The following GTF2IRD1 variants were observed in gnomAD, a reference collection of about 807,000 sequenced individuals.
GTF2IRD1 encodes GTF2I repeat domain containing 1, also known as general transcription factor II-I repeat domain-containing protein 1.
In GTF2IRD1, 26 loss-of-function variants were observed where a neutral mutation model predicts 113.2. The observed-to-expected ratio is 0.23, with a 90% CI of 0.17 to 0.32. The LOEUF (loss-of-function observed/expected upper bound fraction) is 0.32. Ranked by LOEUF, GTF2IRD1 falls within the 10% of genes least tolerant of loss-of-function variation. The probability of loss-of-function intolerance (pLI) is 1.00; values close to 1 mark genes in which losing one functional copy is unlikely to be tolerated. For synonymous variants in GTF2IRD1, 484 were observed against 529.1 expected (o/e 0.91, Z 1.17); for missense variants, 864 against 1,280.8 (o/e 0.67, Z 4.97).
chr7:74,584,636 C>T (rs587742704), intron 22 of GTF2IRD1, among the ~76,000 whole-genome samples: 2 of 152,278 alleles, frequency 1.3e-5, no homozygotes, highest in East Asian at 3.9e-4. Flanking sequence ...TGTGAATTTA[C>T]ATGGCCAGGG....
At chr7:74,568,430 C>G (rs1800468031) in intron 22 of GTF2IRD1, among the ~76,000 whole-genome samples, 1 of 151,394 alleles carries the variant, frequency 6.6e-6, no homozygotes, top group Admixed American at 6.6e-5. Flanking sequence ...GGGCAGATCA[C>G]AAGGTCAGGA....
Position 74,555,557 on chromosome 7 carries a change from T to C in GTF2IRD1, c.2023+63T>C. Reference sequence around the variant, plus strand: ...ACCAGGACATTGACCTGGTTTGGGTTTGGAGGGCCAGGCTGGAAGTGGGGA... The same window carrying C: ...ACCAGGACATTGACCTGGTTTGGGTCTGGAGGGCCAGGCTGGAAGTGGGGA... On this transcript the variant is annotated intron_variant, in intron 19 of 26. Coordinates refer to ENST00000424337, the MANE Select transcript of GTF2IRD1 (RefSeq NM_005685.4). The surrounding 1 kb of genome is among the most constrained non-coding windows in gnomAD (Gnocchi z 5.3). 1 of 1,094,278 alleles carries C rather than the reference T, an allele frequency of 9.1e-7. No individual in the cohort carries two copies. Among genetic ancestry groups the C allele is most frequent in the Non-Finnish European group, 1.4e-6 (1 of 713,914 alleles). The allele number at this position is 1,094,278 out of a possible 1,614,324, so 67.8% of individuals were successfully genotyped here. A position where few individuals can be genotyped will look rare whatever the true frequency, so the allele number is the denominator to read the frequency against.
chr7:74,491,477 C>T (rs1554336687), intron 1 of GTF2IRD1, among the ~76,000 whole-genome samples: 1 of 149,146 alleles, frequency 6.7e-6, no homozygotes, highest in Non-Finnish European at 1.5e-5. Context: ...CTCCCTCCTC[C>T]CACCCTCCAC....
chr7:74,537,426 A>C (rs1798363449), intron 11 of GTF2IRD1, among the ~76,000 whole-genome samples: 1 of 151,596 alleles, frequency 6.6e-6, no homozygotes, highest in Non-Finnish European at 1.5e-5. Flanking sequence ...AAAAAAAAAC[A>C]AAAAAAACAT....
intron 14 of GTF2IRD1, 124 bp from the exon 15 acceptor site, chr7:74,544,629 TGG>T: frequency 1.3e-6 from 1 of 775,394 alleles, no homozygotes; most frequent in South Asian, 1.6e-5. Context: ...CCCATTGGAG[TGG>T]GTGCCATGCT....
intron 22 of GTF2IRD1, chr7:74,572,684 CT>C (rs1562881337): frequency 4.1e-6 from 1 of 243,594 alleles, no homozygotes. Context: ...TCCCCACCCC[CT>C]CTCTACCCTT....
chr7:74,558,343 G>GTTTTTTTTTTTTTTTT (rs1562868915), intron 20 of GTF2IRD1, among the ~76,000 whole-genome samples: 5 of 74,006 alleles, frequency 6.8e-5, no homozygotes, highest in Admixed American at 2.9e-4. Flanking sequence ...TTTTTCTTTC[G>GTTTTTTTTTTTTTTTT]TTTCTTTTTT....
chr7:74,589,096 CTGT>C (rs1554368682), intron 22 of GTF2IRD1, among the ~76,000 whole-genome samples: 2 of 152,192 alleles, frequency 1.3e-5, no homozygotes, highest in Non-Finnish European at 2.9e-5. Context: ...TGGCTCACAT[CTGT>C]AATTCCTGAA....
At chr7:74,462,009 G>A (rs576385715) in intron 1 of GTF2IRD1, among the ~76,000 whole-genome samples, 8 of 152,240 alleles carry the variant, frequency 5.3e-5, no homozygotes, top group African/African-American at 1.2e-4. Context: ...AGGCTGAGGC[G>A]GGAGGATGGC....
At chr7:74,602,256 TATAA>T (rs1356139030) in intron 26 of GTF2IRD1, 105 bp from the exon 27 acceptor site, 5 of 1,357,800 alleles carry the variant, frequency 3.7e-6, no homozygotes, top group East Asian at 2.6e-5. Flanking sequence ...AAATAAAAAA[TATAA>T]ATAAATAGCC....
chr7:74,557,246 G>A (rs1799654613), intron 19 of GTF2IRD1, among the ~76,000 whole-genome samples: 1 of 152,146 alleles, frequency 6.6e-6, no homozygotes, highest in Non-Finnish European at 1.5e-5. Flanking sequence ...TCCTCCATCT[G>A]CTAGATCAGC....
chr7:74,525,146 C>T (rs1797529102), intron 8 of GTF2IRD1, among the ~76,000 whole-genome samples: 2 of 152,220 alleles, frequency 1.3e-5, no homozygotes, highest in South Asian at 2.1e-4. Flanking sequence ...CACCATTTCC[C>T]ACCTCCCAGC....
intron 7 of GTF2IRD1, 69 bp from the exon 8 acceptor site, chr7:74,524,002 C>A: frequency 2.7e-6 from 3 of 1,113,794 alleles, no homozygotes; most frequent in East Asian, 5.0e-5. Flanking sequence ...GCCCGGTGGT[C>A]ATGGCCGGTG....
At chr7:74,573,116 G>A (rs1209550675) in intron 22 of GTF2IRD1, among the ~76,000 whole-genome samples, 1 of 152,084 alleles carries the variant, frequency 6.6e-6, no homozygotes, top group Non-Finnish European at 1.5e-5. Context: ...TTTATTAGAT[G>A]GGCTTCCAGG....
chr7:74,573,196 A>C (rs1800797901), intron 22 of GTF2IRD1, among the ~76,000 whole-genome samples: 1 of 151,848 alleles, frequency 6.6e-6, no homozygotes, highest in Admixed American at 6.6e-5. Context: ...TGCTTGAGCA[A>C]TCCTGGAGTT....
intron 1 of GTF2IRD1, among the ~76,000 whole-genome samples, chr7:74,458,996 C>G (rs1198985713): frequency 2.0e-5 from 3 of 152,092 alleles, no homozygotes; most frequent in African/African-American, 7.2e-5. Flanking sequence ...TTTGGTAGCT[C>G]TCTCTCCACT....
Position 74,555,734 on chromosome 7 carries a change from C to T in GTF2IRD1, c.2023+240C>T, listed in dbSNP as rs1328049352. Among the ~76,000 whole-genome samples, 1 of 152,156 alleles carries T rather than the reference C, an allele frequency of 6.6e-6. No individual in the cohort carries two copies. Among genetic ancestry groups the T allele is most frequent in the Admixed American group, 6.6e-5 (1 of 15,264 alleles). On this transcript the variant is annotated intron_variant, in intron 19 of 26. Transcript: ENST00000424337. The surrounding 1 kb of genome is among the most constrained non-coding windows in gnomAD (Gnocchi z 5.3). ...TCGGGGGAGCCCAGGAGCCTGCCTG[C>T]CCCCTCCCTGCCCCACCCCCCAGAG...
intron 19 of GTF2IRD1, among the ~76,000 whole-genome samples, chr7:74,556,232 A>G (rs1360467281): frequency 6.6e-6 from 1 of 150,470 alleles, no homozygotes; most frequent in East Asian, 2.0e-4. Context: ...AGCCTGGGTG[A>G]CAGAGCAAGA....
chr7:74,529,035 T>G (rs80299958), intron 8 of GTF2IRD1, among the ~76,000 whole-genome samples: 8 of 151,566 alleles, frequency 5.3e-5, no homozygotes, highest in African/African-American at 1.7e-4. Flanking sequence ...GGATGGATGT[T>G]TATGGATTTC....
Sources: allele counts gnomAD v4.1 joint callset (sites outside exome capture counted in the v4.1 genomes callset), GRCh38; gene constraint gnomAD v4.1.1; non-coding constraint Gnocchi (gnomAD v3.1); transcripts MANE v1.5; gene names NCBI Gene and HGNC (gene_info 2026-07-23, HGNC 2026-07-21).